IL16: variants seen among roughly 807,000 people sequenced by gnomAD.
The protein encoded by IL16 is interleukin 16.
IL16 carries 67 observed loss-of-function variants against 110.1 expected under a neutral mutation model. The observed-to-expected ratio is 0.61, with a 90% CI of 0.50 to 0.75. IL16 has a LOEUF of 0.75. Among genes scored for constraint, IL16 ranks in the 30% least tolerant of loss-of-function variants. The pLI, the probability that IL16 is intolerant of heterozygous loss-of-function variation, is 0.00. For missense variants in IL16, 1,545 were observed against 1,655.0 expected, an observed-to-expected ratio of 0.93 and a Z score of 1.15; for synonymous variants, 689 against 662.9, an observed-to-expected ratio of 1.04 and a Z score of -0.61.
intron 1 of IL16, among the ~76,000 whole-genome samples, chr15:81,210,892 G>A (rs1455720911): frequency 6.6e-6 from 1 of 152,152 alleles, no homozygotes; most frequent in Non-Finnish European, 1.5e-5. Context: ...GAATAGGAGT[G>A]GTGAGAGTGG....
At position 81,309,864 on chromosome 15, in the gene IL16, T is replaced by C. The variant is rs897351026; in HGVS notation, c.*1066T>C. The C allele has an allele frequency of 6.6e-6, 1 of 152,380 alleles. No homozygotes were observed. The highest frequency in any genetic ancestry group is 2.1e-4 in the South Asian group (1 of 4,834). The allele number at this position is 152,380 out of a possible 1,614,324, so 9.4% of individuals were successfully genotyped here. On this transcript the variant is annotated 3_prime_UTR_variant, in exon 19 of 19. Coordinates refer to ENST00000683961, the MANE Select transcript of IL16 (RefSeq NM_172217.5). The stretch of plus-strand genomic sequence containing the variant: ...CGGTGTATGGTTCTGTGCCAATGTA[T>C]TGATAAGAGGGCACACACTGTGTAC...
upstream of IL16, among the ~76,000 whole-genome samples, chr15:81,193,496 G>A (rs1001533687): frequency 9.2e-5 from 14 of 152,200 alleles, no homozygotes; most frequent in Non-Finnish European, 1.2e-4. Flanking sequence ...GTTGCTTGTC[G>A]TGATTGTAAG....
chr15:81,294,140 C>A (rs999454557), intron 12 of IL16, among the ~76,000 whole-genome samples: 1 of 152,018 alleles, frequency 6.6e-6, no homozygotes, highest in African/African-American at 2.4e-5. Context: ...GGAGGGGTAG[C>A]GGTGGAGACG....
intron 2 of IL16, among the ~76,000 whole-genome samples, chr15:81,229,871 AAAAC>A (rs1464434626): frequency 6.6e-6 from 1 of 152,196 alleles, no homozygotes; most frequent in Non-Finnish European, 1.5e-5. Context: ...CACTGATTTC[AAAAC>A]AACATCTGGA....
chr15:81,289,978 C>G lies in IL16; in HGVS notation c.1333-475C>G, dbSNP rs141678827. 1.1e-4 allele frequency: 45 copies of G among 416,130 alleles called. No homozygotes were observed. The East Asian group carries it at 3.1e-3, about 29-fold the overall frequency. The allele number at this position is 416,130 out of a possible 1,614,324, so 25.8% of individuals were successfully genotyped here. ...CACCTAGACAGTAGAGGAACCGGGA[C>G]TAGAACACAAGCCTTTTTGACTCTA... On this transcript the variant is annotated intron_variant, in intron 10 of 18. Transcript: ENST00000683961.
chr15:81,259,871 A>C lies in IL16; in HGVS notation c.412A>C (p.Asn138His). The change falls in exon 3 of 19, where the codon AAC (asparagine) becomes CAC (histidine). Residue 138 changes from asparagine to histidine, a missense_variant. By Grantham distance (68) the Asn-to-His change is moderately conservative. Transcript: ENST00000683961. ...AGCCTGCCACCAAAGGGCACGCAGC[A>C]ACTCAACCAGTAAGTGTCTTCCCAA... ...PKACHQRARSNSTSVNPYCTR... is the reference protein window; with the variant it reads ...PKACHQRARSHSTSVNPYCTR... 1 of 1,602,164 alleles carries C rather than the reference A, an allele frequency of 6.2e-7. No individual in the cohort carries two copies. The highest frequency in any genetic ancestry group is 8.6e-7 in the Non-Finnish European group (1 of 1,169,096).
chr15:81,299,525 T>C lies in IL16; in HGVS notation c.2199T>C (p.His733=), dbSNP rs146704319. The C allele has an allele frequency of 7.6e-4, 1,231 of 1,614,164 alleles. 3 individuals are homozygous for C. Among genetic ancestry groups the C allele is most frequent in the Middle Eastern group, 6.8e-3 (41 of 6,062 alleles). ...NLFSPIMSEN[H]GHMPLQPNAS... is the part of the protein sequence containing the mutation. ...TTAGCCCCATCATGAGTGAGAACCA[T>C]GGCCACATGCCTCTACAGCCCAATG... The change falls in exon 14 of 19, where the codon CAT becomes CAC. Residue 733 remains histidine, a synonymous_variant. Transcript: ENST00000683961.
At chr15:81,258,732 T>TCTCTCTCTATCTCTGTCACTCG (rs773658628) in intron 2 of IL16, among the ~76,000 whole-genome samples, 5 of 140,036 alleles carry the variant, frequency 3.6e-5, no homozygotes, top group African/African-American at 1.5e-4. Flanking sequence ...GCGCACGCGC[T>TCTCTCTCTATCTCTGTCACTCG]CTCTCTCTCT....
chr15:81,225,807 C>A, intron 2 of IL16, 96 bp downstream of exon 2: 1 of 1,150,944 alleles, frequency 8.7e-7, no homozygotes, highest in Non-Finnish European at 1.2e-6. Context: ...AATCATGAAG[C>A]TGCAGAGTTA....
rs1567045389 is a variant in IL16, at chr15:81,300,396, C to T, written c.3070C>T (p.Pro1024Ser). 2 of 1,614,180 alleles carry T rather than the reference C, an allele frequency of 1.2e-6. No individual in the cohort carries two copies. Among genetic ancestry groups the T allele is most frequent in the Non-Finnish European group, 1.7e-6 (2 of 1,180,004 alleles). ...CTGCATCCCCAAGGAAGGGGCATCTCCAACATCATCATCCAACGAAGACTC... is the reference window on the plus strand; with the variant it reads ...CTGCATCCCCAAGGAAGGGGCATCTTCAACATCATCATCCAACGAAGACTC... ...TPCIPKEGAS[P>S]TSSSNEDSAA... The change falls in exon 14 of 19, where the codon CCA (proline) becomes TCA (serine). Residue 1024 changes from proline (P) to serine (S), a missense_variant. By Grantham distance (74) the Pro-to-Ser change is moderately conservative. Transcript: ENST00000683961.
intron 2 of IL16, among the ~76,000 whole-genome samples, chr15:81,232,055 T>TTTTTTTTTTTTTTTTTTTTTTTTTTG (rs1443374742): frequency 7.1e-6 from 1 of 141,530 alleles, no homozygotes; most frequent in Non-Finnish European, 1.5e-5. Flanking sequence ...TTTTTTTTTT[T>TTTTTTTTTTTTTTTTTTTTTTTTTTG]TTTTTTTTTT....
intron 2 of IL16, among the ~76,000 whole-genome samples, 171 bp downstream of exon 2, chr15:81,225,882 G>A (rs535873111): frequency 1.3e-5 from 2 of 152,308 alleles, no homozygotes; most frequent in African/African-American, 4.8e-5. Context: ...CAATGAGTAT[G>A]GGAGTGAATC....
rs767189762 is a variant in IL16, at chr15:81,259,782, C to T, written c.323C>T (p.Thr108Ile). 1.1e-5 allele frequency: 18 copies of T among 1,610,320 alleles called. 1 individual carries two copies. In the South Asian group the frequency reaches 2.0e-4, roughly 18 times the overall value. The change falls in exon 3 of 19, where the codon ACA becomes ATA. Residue 108 changes from threonine to isoleucine, a missense_variant. Physicochemically the swap from Thr to Ile is moderately conservative, Grantham distance 89. Around this residue, in one of 3 missense-constraint regions of IL16, gnomAD observed 1,185 missense variants for 1,238.8 expected, o/e 0.96. Transcript: ENST00000683961. Reference protein sequence around the residue: ...RRIFFMKESSTASSREKPGKL... With the variant: ...RRIFFMKESSIASSREKPGKL... Reference sequence around the variant, plus strand: ...GCAATTGTTTTGCAGGAATCTTCCACAGCTTCCTCTCGAGAAAAGCCTGGA... The same window carrying T: ...GCAATTGTTTTGCAGGAATCTTCCATAGCTTCCTCTCGAGAAAAGCCTGGA...
rs1595942000 is a variant in IL16, at chr15:81,202,915, G to T, written c.-102+5763G>T. Among the ~76,000 whole-genome samples the T allele has an allele frequency of 7.2e-5, 11 of 152,086 alleles. No individual in the cohort carries two copies. The South Asian group carries it at 2.3e-3, about 32-fold the overall frequency. ...GAATCGCCACACTGACTTCCACAATGGTTGAACTAGTTTACAGTCCCACCA... is the reference window on the plus strand; with the variant it reads ...GAATCGCCACACTGACTTCCACAATTGTTGAACTAGTTTACAGTCCCACCA... On this transcript the variant is annotated intron_variant, in intron 1 of 18. Coordinates refer to ENST00000683961, the MANE Select transcript of IL16 (RefSeq NM_172217.5).
intron 1 of IL16, among the ~76,000 whole-genome samples, chr15:81,199,612 T>C (rs577895384): frequency 9.8e-5 from 15 of 152,308 alleles, no homozygotes; most frequent in Admixed American, 2.6e-4. Context: ...AGTGGACAGT[T>C]ACAGCAGCTA....
At chr15:81,260,832 TA>T (rs1204111162) in intron 3 of IL16, among the ~76,000 whole-genome samples, 2 of 152,122 alleles carry the variant, frequency 1.3e-5, no homozygotes, top group Non-Finnish European at 2.9e-5. Flanking sequence ...TTATTGGAAA[TA>T]AAAATATTTT....
At chr15:81,253,736 A>AC (rs1897849321) in intron 2 of IL16, among the ~76,000 whole-genome samples, 1 of 152,070 alleles carries the variant, frequency 6.6e-6, no homozygotes, top group Non-Finnish European at 1.5e-5. Context: ...GTTTTTCTAT[A>AC]CCCCCTAGGG....
At chr15:81,189,822 T>G (rs886385812) in intron 1 of IL16, among the ~76,000 whole-genome samples, 1 of 152,174 alleles carries the variant, frequency 6.6e-6, no homozygotes, top group Admixed American at 6.5e-5. Context: ...ATTTAAAATT[T>G]TTACTTATTG....
chr15:81,281,106 A>T (rs1257362088), intron 8 of IL16, among the ~76,000 whole-genome samples: 1 of 152,148 alleles, frequency 6.6e-6, no homozygotes, highest in African/African-American at 2.4e-5. Context: ...AGACTGAAAA[A>T]CTTGCTCTAG....
Sources: gnomAD v4.1 joint callset for allele counts (sites outside exome capture counted in the v4.1 genomes callset) on GRCh38, gnomAD v4.1.1 for gene constraint, gnomAD v4.1.1 regional missense constraint, MANE v1.5 for transcripts, NCBI Gene and HGNC (gene_info 2026-07-23, HGNC 2026-07-21) for gene names.